DNAJC11: variants seen among roughly 807,000 people sequenced by gnomAD.
The protein encoded by DNAJC11 is DnaJ heat shock protein family (Hsp40) member C11.
A neutral mutation model predicts 78.6 loss-of-function variants in DNAJC11; 15 were observed. That is an observed-to-expected ratio of 0.19 (90% CI 0.13 to 0.29). The LOEUF (loss-of-function observed/expected upper bound fraction) is 0.29. DNAJC11 is among the 10% of genes least tolerant of loss of function. The pLI is 1.00. For synonymous variants in DNAJC11, 292 were observed against 272.1 expected (o/e 1.07, Z -0.72); for missense variants, 547 against 709.6 (o/e 0.77, Z 2.60).
At chr1:6,684,282 G>A (rs1413872104) in intron 1 of DNAJC11, among the ~76,000 whole-genome samples, 5 of 152,038 alleles carry the variant, frequency 3.3e-5, no homozygotes, top group African/African-American at 7.2e-5. Flanking sequence ...GGATTTCATC[G>A]TGTTGGCCAG....
intron 4 of DNAJC11, among the ~76,000 whole-genome samples, chr1:6,667,267 C>T (rs1054235810): frequency 2.0e-5 from 3 of 152,140 alleles, no homozygotes; most frequent in South Asian, 2.1e-4. Flanking sequence ...TTTGGCTCTC[C>T]GTATCCTAAC....
At chr1:6,663,589 T>C (rs1354155432) in intron 4 of DNAJC11, among the ~76,000 whole-genome samples, 1 of 152,214 alleles carries the variant, frequency 6.6e-6, no homozygotes, top group Non-Finnish European at 1.5e-5. Flanking sequence ...AATCCGAAGA[T>C]GGCAGGAGGA....
chr1:6,638,240 G>A, intron 12 of DNAJC11, 55 bp downstream of exon 12: 1 of 1,559,844 alleles, frequency 6.4e-7, no homozygotes, highest in Non-Finnish European at 8.8e-7. Context: ...CAACATGTGG[G>A]GTGTGGAGTG....
intron 1 of DNAJC11, among the ~76,000 whole-genome samples, chr1:6,693,051 G>A (rs1642772170): frequency 6.6e-6 from 1 of 151,430 alleles, no homozygotes; most frequent in Non-Finnish European, 1.5e-5. Flanking sequence ...GATTACAGGC[G>A]AGCATCACCA....
At chr1:6,655,564 C>A (rs538155649) in intron 4 of DNAJC11, among the ~76,000 whole-genome samples, 1 of 152,040 alleles carries the variant, frequency 6.6e-6, no homozygotes, top group Admixed American at 6.6e-5. Context: ...GGCTAATACC[C>A]GTAATCCCAA....
intron 1 of DNAJC11, among the ~76,000 whole-genome samples, chr1:6,691,586 C>T (rs1642746858): frequency 1.3e-5 from 2 of 152,290 alleles, no homozygotes; most frequent in Non-Finnish European, 2.9e-5. Context: ...CGTGTTCATC[C>T]GTTATACCCT....
At chr1:6,655,580 T>G (rs1428980043) in intron 4 of DNAJC11, among the ~76,000 whole-genome samples, 1 of 152,152 alleles carries the variant, frequency 6.6e-6, no homozygotes, top group East Asian at 1.9e-4. Flanking sequence ...CCCAACACTT[T>G]GGGAGGCTGA....
In DNAJC11 at chr1:6,635,551, T is replaced by C. The variant is rs1407858059; in HGVS notation, c.*124A>G. On this transcript the variant is annotated 3_prime_UTR_variant, in exon 16 of 16. Transcript: ENST00000377577. The stretch of plus-strand genomic sequence containing the variant: ...TGTCCCTTCACATAATTGATAATGG[T>C]ACCACCTTCTATAATAATAATATAA... The C allele has an allele frequency of 1.9e-6, 2 of 1,071,126 alleles. No homozygotes were observed. The highest frequency in any genetic ancestry group is 2.7e-6 in the Non-Finnish European group (2 of 736,112). The allele number at this position is 1,071,126 out of a possible 1,614,324, so 66.4% of individuals were successfully genotyped here.
chr1:6,679,265 C>T (rs987763994), intron 2 of DNAJC11, among the ~76,000 whole-genome samples: 3 of 152,150 alleles, frequency 2.0e-5, no homozygotes, highest in Admixed American at 6.5e-5. Context: ...TCTGTTAACT[C>T]CAAAGACAGG....
At chr1:6,667,228 T>C (rs1322155822) in intron 4 of DNAJC11, among the ~76,000 whole-genome samples, 3 of 152,166 alleles carry the variant, frequency 2.0e-5, no homozygotes, top group Non-Finnish European at 4.4e-5. Flanking sequence ...CTCAAGGCCA[T>C]GTGGACATGC....
Position 6,636,107 on chromosome 1 carries a change from G to C in DNAJC11, c.1654+10C>G. On this transcript the variant is annotated intron_variant, in intron 15 of 15. Coordinates refer to ENST00000377577, the MANE Select transcript of DNAJC11 (RefSeq NM_018198.4). ...CGTTAGCTGGTGACTGCGAAGGGAC[G>C]GCTACTCACACTGCTTTGGTATCCG... The C allele has an allele frequency of 1.2e-6, 2 of 1,612,918 alleles. No individual in the cohort carries two copies. Among genetic ancestry groups the C allele is most frequent in the Non-Finnish European group, 1.7e-6 (2 of 1,179,438 alleles).
chr1:6,671,423 A>G (rs1642377848), intron 3 of DNAJC11, among the ~76,000 whole-genome samples: 1 of 134,032 alleles, frequency 7.5e-6, no homozygotes, highest in Admixed American at 7.9e-5. Context: ...TTTTTAGTAG[A>G]GACGGGGTTT....
At chr1:6,638,807 G>C (rs1369639493) in intron 11 of DNAJC11, among the ~76,000 whole-genome samples, 4 of 152,240 alleles carry the variant, frequency 2.6e-5, no homozygotes, top group Non-Finnish European at 4.4e-5. Context: ...GGTTACAGGC[G>C]TGAGTTGTTA....
intron 11 of DNAJC11, among the ~76,000 whole-genome samples, chr1:6,639,171 G>C (rs1453506019): frequency 6.6e-6 from 1 of 151,890 alleles, no homozygotes; most frequent in South Asian, 2.1e-4. Flanking sequence ...GATTATCTAA[G>C]AAACTGCAAA....
intron 2 of DNAJC11, among the ~76,000 whole-genome samples, chr1:6,679,660 C>T (rs1452695927): frequency 6.6e-6 from 1 of 152,206 alleles, no homozygotes; most frequent in South Asian, 2.1e-4. Context: ...GTGTTCCTCT[C>T]CAGCATTTAA....
chr1:6,672,256 A>C (rs1455222242), intron 3 of DNAJC11, among the ~76,000 whole-genome samples: 6 of 152,330 alleles, frequency 3.9e-5, no homozygotes, highest in Middle Eastern at 3.4e-3. Context: ...GCCCATGAAT[A>C]TGCCCATACA....
rs193127832 is a variant in DNAJC11 at position 6,642,155 on chromosome 1, G to C, written c.1098-2098C>G. ...CCAGGGGGTCAGGATGGCTGGGGTT[G>C]GGGTAGAGAGGAGTACTACATCACG... is the stretch of plus-strand genomic sequence containing the variant. On this transcript the variant is annotated intron_variant, in intron 10 of 15. Coordinates refer to ENST00000377577, the MANE Select transcript of DNAJC11 (RefSeq NM_018198.4). Among the ~76,000 whole-genome samples, 41 of 152,246 alleles carry C rather than the reference G, an allele frequency of 2.7e-4. No individual in the cohort carries two copies. In the East Asian group the frequency reaches 7.9e-3, roughly 29 times the overall value.
chr1:6,676,035 T>C (rs1031815419), intron 3 of DNAJC11, among the ~76,000 whole-genome samples: 5 of 152,200 alleles, frequency 3.3e-5, no homozygotes, highest in African/African-American at 1.2e-4. Context: ...AACAGAATTC[T>C]ACTTTCCTTT....
Position 6,638,297 on chromosome 1 carries a change from C to T in DNAJC11, c.1321G>A (p.Ala441Thr), listed in dbSNP as rs139633039. Residue 441 changes from alanine (A) to threonine (T), a missense_variant and splice_region_variant, in exon 12 of 16, where the codon GCT becomes ACT. Ala to Thr is a moderately conservative substitution (Grantham distance 58). Coordinates refer to ENST00000377577, the MANE Select transcript of DNAJC11 (RefSeq NM_018198.4). ...GGGAACGGTGGGGCAGCACTCACAGCGGACTCCGCCTCTTGCTTCTTCTGC... is the reference window on the plus strand; with the variant it reads ...GGGAACGGTGGGGCAGCACTCACAGTGGACTCCGCCTCTTGCTTCTTCTGC... ...VLQKKQEAES[A>T]VRLMQESVRR... 42 of 1,612,378 alleles carry T rather than the reference C, an allele frequency of 2.6e-5. No individual in the cohort carries two copies. In the Admixed American group the frequency reaches 5.0e-4, roughly 19 times the overall value.
Sources: gnomAD v4.1 joint callset for allele counts (sites outside exome capture counted in the v4.1 genomes callset) on GRCh38, gnomAD v4.1.1 for gene constraint, MANE v1.5 for transcripts, NCBI Gene and HGNC (gene_info 2026-07-23, HGNC 2026-07-21) for gene names.